The following PTPRU variants were observed in gnomAD, a reference collection of about 807,000 sequenced individuals.
PTPRU encodes protein tyrosine phosphatase receptor type U.
PTPRU carries 69 observed loss-of-function variants against 166.3 expected under a neutral mutation model. That is an observed-to-expected ratio of 0.41 (90% CI 0.34 to 0.51). The LOEUF (loss-of-function observed/expected upper bound fraction) is 0.51, where lower values mean the gene tolerates loss of function less well. PTPRU is among the 20% of genes least tolerant of loss of function. PTPRU has a pLI of 0.09. For missense variants in PTPRU, 1,657 were observed against 2,013.7 expected, an observed-to-expected ratio of 0.82 and a Z score of 3.39; for synonymous variants, 793 against 814.0, an observed-to-expected ratio of 0.97 and a Z score of 0.44.
At chr1:29,319,199 G>T in intron 25 of PTPRU, among the ~76,000 whole-genome samples, 1 of 152,128 alleles carries the variant, frequency 6.6e-6, no homozygotes, top group East Asian at 1.9e-4. Context: ...GGTCCTGGAG[G>T]GGTGGCATGT....
chr1:29,268,145 C>T (rs546883599), intron 7 of PTPRU, among the ~76,000 whole-genome samples: 9 of 152,154 alleles, frequency 5.9e-5, no homozygotes, highest in South Asian at 2.1e-4. Flanking sequence ...ATGTTGACTT[C>T]GAGATCCCTA....
At position 29,259,462 on chromosome 1, in the gene PTPRU, C is replaced by G; in HGVS notation, c.573C>G (p.His191Gln). The G allele has an allele frequency of 6.2e-7, 1 of 1,611,704 alleles. No individual in the cohort carries two copies. Among genetic ancestry groups the G allele is most frequent in the Non-Finnish European group, 8.5e-7 (1 of 1,178,552 alleles). ...LLSYPCAKAP[H>Q]FSRLGDVEVN... ...CTAACCCCGCAGCAAAGGCCCCACA[C>G]TTCTCCCGCCTGGGCGACGTGGAGG... The change falls in exon 5 of 30, where the codon CAC (histidine) becomes CAG (glutamine). Residue 191 changes from histidine (H) to glutamine (Q), a missense_variant. By Grantham distance (24) the His-to-Gln change is conservative. Around this residue, in one of 3 missense-constraint regions of PTPRU, gnomAD observed 453 missense variants for 496.9 expected, o/e 0.91. Coordinates refer to ENST00000373779, the MANE Select transcript of PTPRU (RefSeq NM_133178.4).
intron 15 of PTPRU, among the ~76,000 whole-genome samples, chr1:29,298,874 G>A (rs531393126): frequency 3.3e-5 from 5 of 152,268 alleles, no homozygotes; most frequent in Non-Finnish European, 7.4e-5. Flanking sequence ...TAGTGCCCCT[G>A]CCATACGGAT....
chr1:29,311,092 T>C lies in PTPRU; in HGVS notation c.2857+312T>C, dbSNP rs574114699. Among the ~76,000 whole-genome samples the C allele has an allele frequency of 3.9e-5, 6 of 152,256 alleles. No homozygotes were observed. Among genetic ancestry groups the C allele is most frequent in the Non-Finnish European group, 8.8e-5 (6 of 68,002 alleles). On this transcript the variant is annotated intron_variant, in intron 19 of 29. Transcript: ENST00000373779. This position sits in a 1 kb window ranked among gnomAD's most constrained non-coding sequence, Gnocchi z 4.1. ...AAGGGCCAGCTGGGCTCAGGCCTCA[T>C]GGGTGTGGGTTGGGCCTCTCGGTCT...
Position 29,259,499 on chromosome 1 carries a change from C to T in PTPRU, c.610C>T (p.Gln204Ter). The change falls in exon 5 of 30, where the codon CAG (glutamine) becomes TAG (stop). Residue 204 changes from glutamine (Q) to a stop codon, truncating the protein, a stop_gained. Coordinates refer to ENST00000373779, the MANE Select transcript of PTPRU (RefSeq NM_133178.4). LOFTEE classifies it high-confidence loss of function. ...RLGDVEVNAG[Q>*]NASFQCMAAG... ...GGGCGACGTGGAGGTCAACGCGGGC[C>T]AGAACGCGTCGTTCCAGTGCATGGC... is the stretch of plus-strand genomic sequence containing the variant. The T allele has an allele frequency of 6.2e-7, 1 of 1,611,596 alleles. No individual in the cohort carries two copies. The highest frequency in any genetic ancestry group is 8.5e-7 in the Non-Finnish European group (1 of 1,179,062).
At chr1:29,262,979 ATTAT>A (rs200241374) in intron 7 of PTPRU, among the ~76,000 whole-genome samples, 1 of 151,776 alleles carries the variant, frequency 6.6e-6, no homozygotes, top group African/African-American at 2.4e-5. Context: ...CATTTATTTT[ATTAT>A]TTATTTATTT....
intron 25 of PTPRU, among the ~76,000 whole-genome samples, chr1:29,319,554 TG>T (rs1178139911): frequency 6.6e-6 from 1 of 152,242 alleles, no homozygotes; most frequent in African/African-American, 2.4e-5. Flanking sequence ...GGAGCCCTGT[TG>T]GGCACCCAGG....
Position 29,310,742 on chromosome 1 carries a change from A to G in PTPRU, c.2821-2A>G, listed in dbSNP as rs1687616563. The G allele has an allele frequency of 6.2e-7, 1 of 1,613,540 alleles. No homozygotes were observed. Among genetic ancestry groups the G allele is most frequent in the African/African-American group, 1.3e-5 (1 of 74,858 alleles). ...TAACCGTGCCCTCTCCTCCTGTTCC[A>G]GGGTTACCACAGGTCAAACCACTTC... On this transcript the variant is annotated splice_acceptor_variant, in intron 18 of 29. Coordinates refer to ENST00000373779, the MANE Select transcript of PTPRU (RefSeq NM_133178.4). LOFTEE classifies it high-confidence loss of function.
intron 1 of PTPRU, among the ~76,000 whole-genome samples, chr1:29,246,600 A>T (rs1490459020): frequency 1.3e-5 from 2 of 150,480 alleles, no homozygotes; most frequent in Non-Finnish European, 3.0e-5. Context: ...CGTTGAATCC[A>T]CTGGTTCCAC....
chr1:29,279,545 C>G lies in PTPRU; in HGVS notation c.1653C>G (p.Tyr551Ter). ...RTISKLRNETYHVFSNLHPGT... is the reference protein window; with the variant it reads ...RTISKLRNET ...TCTCCAAGCTCCGCAATGAGACCTACCATGTCTTCTCCAACCTGCACCCAG... is the reference window on the plus strand; with the variant it reads ...TCTCCAAGCTCCGCAATGAGACCTAGCATGTCTTCTCCAACCTGCACCCAG... The change falls in exon 10 of 30, where the codon TAC becomes TAG. Residue 551 changes from tyrosine to a stop codon, truncating the protein, a stop_gained. Coordinates refer to ENST00000373779, the MANE Select transcript of PTPRU (RefSeq NM_133178.4). LOFTEE classifies it high-confidence loss of function. The surrounding 1 kb of genome is among the most constrained non-coding windows in gnomAD (Gnocchi z 5.2). 6.2e-7 allele frequency: 1 copy of G among 1,614,164 alleles called. No individual in the cohort carries two copies. The highest frequency in any genetic ancestry group is 8.5e-7 in the Non-Finnish European group (1 of 1,179,992).
At chr1:29,246,750 G>A (rs1684315906) in intron 1 of PTPRU, among the ~76,000 whole-genome samples, 1 of 152,014 alleles carries the variant, frequency 6.6e-6, no homozygotes, top group Non-Finnish European at 1.5e-5. Flanking sequence ...TGAGTAGCTG[G>A]GATTACAGGC....
At chr1:29,255,546 T>C (rs1460142347) in intron 2 of PTPRU, 140 bp downstream of exon 2, 1 of 1,272,388 alleles carries the variant, frequency 7.9e-7, no homozygotes, top group East Asian at 2.4e-5. Flanking sequence ...TACGTGACAC[T>C]GAATGTGGCT....
chr1:29,297,432 T>C (rs1574685128), intron 15 of PTPRU, among the ~76,000 whole-genome samples: 1 of 152,136 alleles, frequency 6.6e-6, no homozygotes, highest in African/African-American at 2.4e-5. Flanking sequence ...CTTGTCCAGG[T>C]TAAATAGCCA....
In PTPRU at chr1:29,275,731, G is replaced by A. The variant is rs780820227; in HGVS notation, c.1428G>A (p.Glu476=). ...CTGAGGGGCGCAAAGAGGGCAAGGA[G>A]GTCACTTTCCAGACGGATGAGGATG... ...TNPEGRKEGK[E]VTFQTDEDVP... Residue 476 remains glutamate, a synonymous_variant, in exon 8 of 30, where the codon GAG becomes GAA. Transcript: ENST00000373779. 10 of 1,614,148 alleles carry A rather than the reference G, an allele frequency of 6.2e-6. No individual in the cohort carries two copies. The South Asian group carries it at 1.1e-4, about 18-fold the overall frequency.
chr1:29,273,255 G>A (rs1419115246), intron 7 of PTPRU, among the ~76,000 whole-genome samples: 1 of 152,108 alleles, frequency 6.6e-6, no homozygotes, highest in East Asian at 1.9e-4. Context: ...TGCTTCAGAA[G>A]CCTTGACTTT....
Position 29,323,668 on chromosome 1 carries a change from T to A in PTPRU, c.3992T>A (p.Phe1331Tyr), listed in dbSNP as rs754022401. 6.2e-7 allele frequency: 1 copy of A among 1,614,070 alleles called. No homozygotes were observed. Among genetic ancestry groups the A allele is most frequent in the Admixed American group, 1.7e-5 (1 of 60,022 alleles). ...CACCTGCTGGTGCGGCACTTCCAGT[T>A]CCTGCGCTGGTCTGCATACCGGGAC... ...EGHLLVRHFQFLRWSAYRDTP... is the reference protein window; with the variant it reads ...EGHLLVRHFQYLRWSAYRDTP... The change falls in exon 28 of 30, where the codon TTC becomes TAC. Residue 1331 changes from phenylalanine (F) to tyrosine (Y), a missense_variant. Coordinates refer to ENST00000373779, the MANE Select transcript of PTPRU (RefSeq NM_133178.4).
Position 29,311,438 on chromosome 1 carries a change from C to T in PTPRU, c.2858-18C>T, listed in dbSNP as rs770156821. 2.5e-6 allele frequency: 4 copies of T among 1,610,882 alleles called. No homozygotes were observed. On this transcript the variant is annotated intron_variant, in intron 19 of 29. Transcript: ENST00000373779. The surrounding 1 kb of genome is among the most constrained non-coding windows in gnomAD (Gnocchi z 4.1). Reference sequence around the variant, plus strand: ...AGACCTTGTCTCAGGGACAGGCACCCTCTGCCTGCATCCCCAGGGCCGAAG... The same window carrying T: ...AGACCTTGTCTCAGGGACAGGCACCTTCTGCCTGCATCCCCAGGGCCGAAG...
intron 7 of PTPRU, among the ~76,000 whole-genome samples, chr1:29,264,178 A>T (rs1218116583): frequency 6.6e-6 from 1 of 152,084 alleles, no homozygotes; most frequent in African/African-American, 2.4e-5. Context: ...TGTCTCAAAA[A>T]AAAAAAAGGA....
chr1:29,241,147 C>CATT, intron 1 of PTPRU, among the ~76,000 whole-genome samples: 1 of 152,242 alleles, frequency 6.6e-6, no homozygotes, highest in Admixed American at 6.5e-5. Context: ...GGGAGGTAAC[C>CATT]AGCTGCTTTG....
Sources: allele counts gnomAD v4.1 joint callset (sites outside exome capture counted in the v4.1 genomes callset), GRCh38; gene constraint gnomAD v4.1.1; regional missense constraint gnomAD v4.1.1; non-coding constraint Gnocchi (gnomAD v3.1); transcripts MANE v1.5; gene names NCBI Gene and HGNC (gene_info 2026-07-23, HGNC 2026-07-21).